BARD1: variants seen among roughly 807,000 people sequenced by gnomAD.
BARD1 encodes BRCA1-associated RING domain protein 1.
BARD1 carries 73 observed loss-of-function variants against 77.0 expected under a neutral mutation model. That is an observed-to-expected ratio of 0.95 (90% CI 0.79 to 1.15). The LOEUF is 1.15. Ranked by LOEUF, BARD1 falls within the 50% of genes most tolerant of loss-of-function variation. BARD1 has a pLI of 0.00. For synonymous variants in BARD1, 384 were observed against 338.0 expected (o/e 1.14, Z -1.49); for missense variants, 993 against 938.8 (o/e 1.06, Z -0.75).
intron 1 of BARD1, among the ~76,000 whole-genome samples, chr2:214,806,025 A>T (rs537039829): frequency 2.0e-5 from 3 of 152,292 alleles, no homozygotes; most frequent in South Asian, 4.1e-4. Flanking sequence ...CCTCTCAAAT[A>T]ATATGGTCTT....
chr2:214,750,974 C>A (rs767009350), intron 7 of BARD1, among the ~76,000 whole-genome samples: 2 of 151,240 alleles, frequency 1.3e-5, no homozygotes, highest in Non-Finnish European at 2.9e-5. Context: ...TGTCTTCAAG[C>A]ATTTGAGAAA....
intron 1 of BARD1, among the ~76,000 whole-genome samples, chr2:214,806,461 T>C (rs917648887): frequency 6.6e-6 from 1 of 152,096 alleles, no homozygotes; most frequent in African/African-American, 2.4e-5. Flanking sequence ...AAGGCAGAGG[T>C]AGGAACAATG....
At chr2:214,775,484 A>C (rs1253221580) in intron 4 of BARD1, among the ~76,000 whole-genome samples, 1 of 152,222 alleles carries the variant, frequency 6.6e-6, no homozygotes, top group Admixed American at 6.5e-5. Context: ...CAATAGTTAC[A>C]TCAAAGATCA....
rs1251177960 is a variant in BARD1, at chr2:214,727,995, A to G, written c.*681T>C. On this transcript the variant is annotated 3_prime_UTR_variant, in exon 11 of 11. Coordinates refer to ENST00000260947, the MANE Select transcript of BARD1 (RefSeq NM_000465.4). ...CAAATTGATAGTTACAAGCAAATGT[A>G]CAGAATAAAAATATGTACCATGAGC... 2 of 218,568 alleles carry G rather than the reference A, an allele frequency of 9.2e-6. No individual in the cohort carries two copies. Among genetic ancestry groups the G allele is most frequent in the Non-Finnish European group, 1.8e-5 (2 of 108,850 alleles). 13.5% of individuals were successfully genotyped at this position (218,568 alleles called of 1,614,324 possible). A position where few individuals can be genotyped will look rare whatever the true frequency, so the allele number is the denominator to read the frequency against.
intron 9 of BARD1, among the ~76,000 whole-genome samples, chr2:214,736,043 C>T (rs895458): frequency 0.81 from 123,164 of 151,990 alleles, 50,044 homozygotes; most frequent in East Asian, 1. Flanking sequence ...GCTGAATTTC[C>T]GAATCTTATA....
chr2:214,781,137 G>C lies in BARD1; in HGVS notation c.737C>G (p.Pro246Arg), dbSNP rs151325889. Residue 246 changes from proline to arginine, a missense_variant, in exon 4 of 11, where the codon CCA becomes CGA. Transcript: ENST00000260947. Reference sequence around the variant, plus strand: ...TATCTGAGGACTGGAGATAACAGATGGTTGGCTACAGAAGGATACCAGCTT... The same window carrying C: ...TATCTGAGGACTGGAGATAACAGATCGTTGGCTACAGAAGGATACCAGCTT... ...KQKLVSFCSQ[P>R]SVISSPQING... The C allele has an allele frequency of 6.4e-7, 1 of 1,574,072 alleles. No individual in the cohort carries two copies. The highest frequency in any genetic ancestry group is 2.2e-5 in the East Asian group (1 of 44,600).
intron 4 of BARD1, among the ~76,000 whole-genome samples, chr2:214,770,839 T>C (rs1694449961): frequency 6.6e-6 from 1 of 152,222 alleles, no homozygotes; most frequent in Admixed American, 6.5e-5. Context: ...TCTTCTTTTT[T>C]ATTTTCCTAG....
intron 4 of BARD1, among the ~76,000 whole-genome samples, chr2:214,771,191 A>AAGATAAAG (rs1694467847): frequency 1.3e-5 from 2 of 152,174 alleles, no homozygotes; most frequent in Non-Finnish European, 2.9e-5. Context: ...TAAGTCCATG[A>AAGATAAAG]CGATAAAGCA....
At chr2:214,804,366 A>T (rs186475545) in intron 1 of BARD1, among the ~76,000 whole-genome samples, 58 of 152,344 alleles carry the variant, frequency 3.8e-4, no homozygotes, top group African/African-American at 1.3e-3. Flanking sequence ...AACATACACT[A>T]AGAAACTATG....
At chr2:214,802,523 CTT>C (rs1469090474) in intron 1 of BARD1, among the ~76,000 whole-genome samples, 1 of 152,122 alleles carries the variant, frequency 6.6e-6, no homozygotes, top group Non-Finnish European at 1.5e-5. Context: ...TTCTATTTCT[CTT>C]GTCTTGAAAT....
chr2:214,731,265 G>A (rs1482556855), intron 9 of BARD1: 1 of 156,256 alleles, frequency 6.4e-6, no homozygotes, highest in Non-Finnish European at 1.4e-5. Flanking sequence ...CACCTGGGTG[G>A]GGAATCCCTA....
chr2:214,800,532 C>A (rs572829547), intron 1 of BARD1, among the ~76,000 whole-genome samples: 6 of 152,092 alleles, frequency 3.9e-5, no homozygotes, highest in Non-Finnish European at 7.4e-5. Flanking sequence ...CTGGACAACA[C>A]AACAAGAACA....
chr2:214,730,566 T>C, intron 9 of BARD1, 58 bp from the exon 10 acceptor site: 1 of 1,381,556 alleles, frequency 7.2e-7, no homozygotes. Flanking sequence ...TATATCTCTC[T>C]CATTAAAATC....
intron 9 of BARD1, among the ~76,000 whole-genome samples, chr2:214,743,589 T>C (rs887014281): frequency 2.7e-5 from 3 of 112,938 alleles, no homozygotes; most frequent in African/African-American, 1.0e-4. Context: ...TCACTAGTTA[T>C]TTATTTTTTT....
rs373061287 is a variant in BARD1 at position 214,745,684 on chromosome 2, T to A, written c.1810+38A>T. ...CTCCAAAAGGATCATCTATTTAACA[T>A]TTTTTCTACCCCACCTCCCAAAATT... On this transcript the variant is annotated intron_variant, in intron 8 of 10. Transcript: ENST00000260947. 1.1e-4 allele frequency: 181 copies of A among 1,611,786 alleles called. 1 individual carries two copies. The African/African-American group carries it at 2.2e-3, about 20-fold the overall frequency.
At chr2:214,764,720 T>G (rs1345747538) in intron 6 of BARD1, among the ~76,000 whole-genome samples, 1 of 152,164 alleles carries the variant, frequency 6.6e-6, no homozygotes, top group African/African-American at 2.4e-5. Flanking sequence ...CAGACTCGTG[T>G]TCTTCTGCAG....
rs1242320192 is a variant in BARD1, at chr2:214,809,594, C to T, written c.-25G>A. On this transcript the variant is annotated 5_prime_UTR_variant, in exon 1 of 11. Transcript: ENST00000260947. Reference sequence around the variant, plus strand: ...TCGTCCCGCCTTCGGATGAAAGGCTCCTCGCAGAGCGGGAAGCAAGGAAGC... The same window carrying T: ...TCGTCCCGCCTTCGGATGAAAGGCTTCTCGCAGAGCGGGAAGCAAGGAAGC... 6 of 1,532,684 alleles carry T rather than the reference C, an allele frequency of 3.9e-6. No homozygotes were observed. The highest frequency in any genetic ancestry group is 4.9e-5 in the East Asian group (2 of 40,828). 94.9% of individuals were successfully genotyped at this position (1,532,684 alleles called of 1,614,324 possible).
In BARD1 at chr2:214,725,765, G is replaced by A. The variant is rs982923774; in HGVS notation, c.*2911C>T. 1.4e-5 allele frequency: 3 copies of A among 220,764 alleles called. No individual in the cohort carries two copies. The highest frequency in any genetic ancestry group is 6.5e-5 in the East Asian group (1 of 15,388). The allele number at this position is 220,764 out of a possible 1,614,324, so 13.7% of individuals were successfully genotyped here. A position where few individuals can be genotyped will look rare whatever the true frequency, so the allele number is the denominator to read the frequency against. ...GCTCAATCTATCAAAGAAAATGGTG[G>A]CTTTTAGTAATTAAATAAGACAAGC... On this transcript the variant is annotated 3_prime_UTR_variant, in exon 11 of 11. Coordinates refer to ENST00000260947, the MANE Select transcript of BARD1 (RefSeq NM_000465.4).
chr2:214,725,856 G>C lies in BARD1; in HGVS notation c.*2820C>G, dbSNP rs2105981517. 1 of 223,262 alleles carries C rather than the reference G, an allele frequency of 4.5e-6. No homozygotes were observed. Among genetic ancestry groups the C allele is most frequent in the East Asian group, 6.5e-5 (1 of 15,422 alleles). The allele number at this position is 223,262 out of a possible 1,614,324, so 13.8% of individuals were successfully genotyped here. On this transcript the variant is annotated 3_prime_UTR_variant, in exon 11 of 11. Transcript: ENST00000260947. Reference sequence around the variant, plus strand: ...GAATAGACAATTGTGACTGTAATGAGGCCCATGAACGTTTAGAATATGATT... The same window carrying C: ...GAATAGACAATTGTGACTGTAATGACGCCCATGAACGTTTAGAATATGATT...
Sources: allele counts gnomAD v4.1 joint callset (sites outside exome capture counted in the v4.1 genomes callset), GRCh38; gene constraint gnomAD v4.1.1; transcripts MANE v1.5; gene names NCBI Gene and HGNC (gene_info 2026-07-23, HGNC 2026-07-21).